Variants in TSNARE1 observed in about 807,000 individuals in gnomAD.
TSNARE1 encodes t-SNARE domain-containing protein 1.
Under a neutral mutation model 62.0 loss-of-function variants are expected in TSNARE1, and 49 were observed. The ratio of observed to expected loss-of-function variants is 0.79; its 90% CI spans 0.63 to 1.00. The LOEUF (loss-of-function observed/expected upper bound fraction) is 1.00. Among genes scored for constraint, TSNARE1 ranks in the 50% least tolerant of loss-of-function variants. The probability of loss-of-function intolerance (pLI) is 0.00; values close to 1 mark genes in which losing one functional copy is unlikely to be tolerated. For missense variants in TSNARE1, 755 were observed against 700.1 expected (o/e 1.08, Z -0.88); for synonymous variants, 328 against 294.4 (o/e 1.11, Z -1.17).
intron 10 of TSNARE1, among the ~76,000 whole-genome samples, chr8:142,285,200 G>A: frequency 6.6e-6 from 1 of 150,578 alleles, no homozygotes; most frequent in Admixed American, 6.6e-5. Context: ...GGGTGGATGG[G>A]CGAGTGGATG....
At chr8:142,239,208 C>T (rs1465400037) in intron 12 of TSNARE1, among the ~76,000 whole-genome samples, 1 of 152,212 alleles carries the variant, frequency 6.6e-6, no homozygotes, top group Non-Finnish European at 1.5e-5. Context: ...TGAGCCTCCG[C>T]TGCCATCAGC....
chr8:142,279,322 C>A lies in TSNARE1; in HGVS notation c.1364-4459G>T, dbSNP rs555806144. Among the ~76,000 whole-genome samples the A allele has an allele frequency of 2.3e-4, 35 of 152,344 alleles. No individual in the cohort carries two copies. In the Middle Eastern group the frequency reaches 0.01, roughly 44 times the overall value. On this transcript the variant is annotated intron_variant, in intron 11 of 13. Transcript: ENST00000524325. ...GGGGCCAAACAGGCCTCCGGCCACA[C>A]GACACCAGGCGGGAACGGCAGAGGC...
chr8:142,217,095 T>G (rs1375268083), intron 13 of TSNARE1, among the ~76,000 whole-genome samples: 1 of 151,372 alleles, frequency 6.6e-6, no homozygotes, highest in Non-Finnish European at 1.5e-5. Context: ...TACAAAAAAT[T>G]AGCAAGGCAT....
rs556472661 is a variant in TSNARE1 at position 142,319,048 on chromosome 8, G to C, written c.894-414C>G. 6.6e-6 allele frequency among the ~76,000 whole-genome samples: 1 copy of C among 151,850 alleles called. No individual in the cohort carries two copies. The highest frequency in any genetic ancestry group is 2.4e-5 in the African/African-American group (1 of 41,304). ...AGCAAGAGGCAGTGGGGGCAGAAAG[G>C]CAGGCAGAGAGAGACGGCGCAGGTA... On this transcript the variant is annotated intron_variant, in intron 6 of 13. Coordinates refer to ENST00000524325, the MANE Select transcript of TSNARE1 (RefSeq NM_145003.5). This position sits in a 1 kb window ranked among gnomAD's most constrained non-coding sequence, Gnocchi z 4.9.
intron 7 of TSNARE1, among the ~76,000 whole-genome samples, chr8:142,317,322 G>T (rs13252072): frequency 1.0e-5 from 1 of 99,080 alleles, no homozygotes; most frequent in Non-Finnish European, 2.0e-5. Context: ...CACACTGTAC[G>T]TGTGAAGCGG....
chr8:142,298,615 C>T (rs1016416285), intron 10 of TSNARE1, among the ~76,000 whole-genome samples: 7 of 152,206 alleles, frequency 4.6e-5, no homozygotes, highest in Non-Finnish European at 7.3e-5. Context: ...TCCTCATGCC[C>T]GCAGCCCTCT....
intron 12 of TSNARE1, among the ~76,000 whole-genome samples, chr8:142,230,970 T>TCCATCCATTCAA (rs372499811): frequency 7.9e-5 from 3 of 37,892 alleles, no homozygotes; most frequent in African/African-American, 5.0e-4. Flanking sequence ...CAACCATCCA[T>TCCATCCATTCAA]CCATCCATCC....
At chr8:142,273,878 G>A (rs1319886031) in intron 12 of TSNARE1, 1 of 985,334 alleles carries the variant, frequency 1.0e-6, no homozygotes, top group East Asian at 1.1e-4. Flanking sequence ...GCGTCCTGGG[G>A]ATGTGGCTCC....
intron 1 of TSNARE1, among the ~76,000 whole-genome samples, chr8:142,394,611 C>A (rs1837772055): frequency 6.6e-6 from 1 of 152,210 alleles, no homozygotes; most frequent in Non-Finnish European, 1.5e-5. Context: ...ACGGCCAGAC[C>A]CCACGGGATT....
intron 8 of TSNARE1, 92 bp from the exon 9 acceptor site, chr8:142,314,532 C>G: frequency 2.6e-6 from 3 of 1,142,022 alleles, no homozygotes; most frequent in Admixed American, 2.1e-5. Flanking sequence ...GGGCTCTGGA[C>G]GACGGTGCAG....
intron 12 of TSNARE1, among the ~76,000 whole-genome samples, chr8:142,239,004 G>T (rs1322897195): frequency 6.6e-6 from 1 of 152,140 alleles, no homozygotes; most frequent in Non-Finnish European, 1.5e-5. Context: ...CCCTGGCACT[G>T]CAGACTCCAT....
intron 6 of TSNARE1, among the ~76,000 whole-genome samples, chr8:142,329,913 T>C (rs1830766714): frequency 6.6e-6 from 1 of 152,150 alleles, no homozygotes; most frequent in Admixed American, 6.5e-5. Context: ...CGTGAGGCTG[T>C]GTGGCAGGCG....
intron 12 of TSNARE1, among the ~76,000 whole-genome samples, chr8:142,264,188 A>G (rs1391213188): frequency 1.3e-5 from 2 of 152,192 alleles, no homozygotes; most frequent in African/African-American, 4.8e-5. Context: ...TTGACCTCTG[A>G]GTTATGTAGA....
chr8:142,403,266 C>T (rs894688917), upstream of TSNARE1: 2 of 151,702 alleles, frequency 1.3e-5, no homozygotes, highest in African/African-American at 2.4e-5. Flanking sequence ...GGGGACTACC[C>T]GCCCCAGAGG....
chr8:142,249,429 G>A (rs60683679), intron 12 of TSNARE1, among the ~76,000 whole-genome samples: 2,689 of 152,276 alleles, frequency 0.018, 71 homozygotes, highest in African/African-American at 0.055. Flanking sequence ...CTACTAGGAA[G>A]GGGGACAGCC....
At chr8:142,321,943 A>C (rs1829540879) in intron 6 of TSNARE1, among the ~76,000 whole-genome samples, 1 of 152,204 alleles carries the variant, frequency 6.6e-6, no homozygotes, top group Non-Finnish European at 1.5e-5. Flanking sequence ...CAAACAGAGA[A>C]TCTAAAGGAA....
At chr8:142,318,407 T>G (rs950841691) in intron 7 of TSNARE1, 137 bp downstream of exon 7, 6 of 838,196 alleles carry the variant, frequency 7.2e-6, no homozygotes, top group Non-Finnish European at 1.1e-5. Context: ...CATGGGAGGC[T>G]GGGTGCCAGG....
intron 1 of TSNARE1, among the ~76,000 whole-genome samples, chr8:142,369,332 C>T (rs1384077485): frequency 6.6e-6 from 1 of 152,208 alleles, no homozygotes; most frequent in Non-Finnish European, 1.5e-5. Context: ...ACCAGCTGGA[C>T]TCAACCCCAC....
rs4518767 is a variant in TSNARE1, at chr8:142,338,959, C to G, written c.745+5007G>C. Among the ~76,000 whole-genome samples, 43 of 152,260 alleles carry G rather than the reference C, an allele frequency of 2.8e-4. No homozygotes were observed. In the East Asian group the frequency reaches 7.6e-3, roughly 27 times the overall value. On this transcript the variant is annotated intron_variant, in intron 4 of 13. Transcript: ENST00000524325. ...GATGCCTTGGCCCTGCTACCCTGCA[C>G]GTGAGCTGCTGCCAGATTCTGCTAC...
Sources: allele counts gnomAD v4.1 joint callset (sites outside exome capture counted in the v4.1 genomes callset), GRCh38; gene constraint gnomAD v4.1.1; non-coding constraint Gnocchi (gnomAD v3.1); transcripts MANE v1.5; gene names NCBI Gene and HGNC (gene_info 2026-07-23, HGNC 2026-07-21).